Variants in SEMA3A observed in about 807,000 individuals in gnomAD.
The protein encoded by SEMA3A is semaphorin-3A.
SEMA3A carries 29 observed loss-of-function variants against 97.9 expected under a neutral mutation model. The ratio of observed to expected loss-of-function variants is 0.30; its 90% CI spans 0.22 to 0.40. The LOEUF is 0.40. Ranked by LOEUF, SEMA3A falls within the 10% of genes least tolerant of loss-of-function variation. SEMA3A has a pLI of 1.00. For missense variants in SEMA3A, 763 were observed against 951.3 expected, an observed-to-expected ratio of 0.80 and a Z score of 2.60; for synonymous variants, 321 against 323.7, an observed-to-expected ratio of 0.99 and a Z score of 0.09.
intron 1 of SEMA3A, among the ~76,000 whole-genome samples, chr7:84,471,347 A>G (rs1806141829): frequency 6.6e-6 from 1 of 152,114 alleles, no homozygotes; most frequent in Non-Finnish European, 1.5e-5. Flanking sequence ...CATCATATTT[A>G]TATTTCACTT....
chr7:83,965,851 T>C (rs1220455663), intron 15 of SEMA3A, among the ~76,000 whole-genome samples: 1 of 149,712 alleles, frequency 6.7e-6, no homozygotes, highest in African/African-American at 2.5e-5. Flanking sequence ...CAGCTAGTTT[T>C]TCGTATTTTA....
intron 5 of SEMA3A, among the ~76,000 whole-genome samples, chr7:84,046,651 T>C (rs1792365714): frequency 6.6e-6 from 1 of 151,362 alleles, no homozygotes; most frequent in Non-Finnish European, 1.5e-5. Flanking sequence ...AAATACTTAT[T>C]CACTGATTTA....
chr7:84,467,313 G>C lies in SEMA3A; in HGVS notation c.-246+25147C>G, dbSNP rs549635251. Among the ~76,000 whole-genome samples the C allele has an allele frequency of 7.9e-5, 12 of 152,102 alleles. No homozygotes were observed. In the South Asian group the frequency reaches 2.5e-3, roughly 32 times the overall value. ...TGAGGCGAGTGGATCACGAGGTCAG[G>C]AGATCGAGACCATCCTGGCTAACAC... On this transcript the variant is annotated intron_variant, in intron 1 of 3. Transcript: ENST00000424555.
chr7:84,004,323 A>G (rs889448816), intron 11 of SEMA3A, among the ~76,000 whole-genome samples: 2 of 152,108 alleles, frequency 1.3e-5, no homozygotes, highest in African/African-American at 4.8e-5. Flanking sequence ...AATATACCTG[A>G]AAAAGTCTGT....
At chr7:84,254,649 A>G (rs975193015) in intron 3 of SEMA3A, among the ~76,000 whole-genome samples, 1 of 152,146 alleles carries the variant, frequency 6.6e-6, no homozygotes, top group Non-Finnish European at 1.5e-5. Flanking sequence ...CTACAGTATA[A>G]TGATTATAAA....
chr7:84,238,416 C>T (rs962176009), intron 3 of SEMA3A, among the ~76,000 whole-genome samples: 1 of 152,056 alleles, frequency 6.6e-6, no homozygotes, highest in African/African-American at 2.4e-5. Flanking sequence ...GAATAATCTA[C>T]AGTAGGCACA....
At chr7:84,367,993 T>C (rs1257935760) in intron 2 of SEMA3A, among the ~76,000 whole-genome samples, 7 of 151,302 alleles carry the variant, frequency 4.6e-5, no homozygotes, top group South Asian at 2.1e-4. Flanking sequence ...TTACTAAATA[T>C]AGAAACATCA....
chr7:84,263,609 A>G (rs535752552), intron 3 of SEMA3A, among the ~76,000 whole-genome samples: 1 of 152,354 alleles, frequency 6.6e-6, no homozygotes, highest in South Asian at 2.1e-4. Flanking sequence ...TCAATGCCAT[A>G]TAAGCATTTG....
chr7:84,367,077 T>A (rs1802865613), intron 2 of SEMA3A, among the ~76,000 whole-genome samples: 1 of 151,292 alleles, frequency 6.6e-6, no homozygotes, highest in Non-Finnish European at 1.5e-5. Flanking sequence ...ATGACATATG[T>A]CTCTGAATCT....
At chr7:84,354,528 GA>G (rs984734221) in intron 2 of SEMA3A, among the ~76,000 whole-genome samples, 2 of 151,216 alleles carry the variant, frequency 1.3e-5, no homozygotes, top group African/African-American at 2.4e-5. Context: ...ATTTTCAAAA[GA>G]AAAAAATATG....
intron 4 of SEMA3A, among the ~76,000 whole-genome samples, chr7:84,095,351 T>TATATACACA (rs1485887699): frequency 6.1e-4 from 18 of 29,622 alleles, no homozygotes; most frequent in African/African-American, 1.5e-3. Flanking sequence ...TTTATATTTT[T>TATATACACA]TATATACATA....
At chr7:84,476,358 CAAAA>C (rs1207575758) in intron 1 of SEMA3A, among the ~76,000 whole-genome samples, 1 of 97,580 alleles carries the variant, frequency 1.0e-5, no homozygotes. Context: ...GACTCCATCT[CAAAA>C]AAAAAAAAAA....
chr7:83,961,546 T>G lies in SEMA3A; in HGVS notation c.2141A>C (p.Asn714Thr), dbSNP rs551810272. 1 of 1,614,128 alleles carries G rather than the reference T, an allele frequency of 6.2e-7. No homozygotes were observed. Among genetic ancestry groups the G allele is most frequent in the African/African-American group, 1.3e-5 (1 of 75,036 alleles). Reference protein sequence around the residue: ...RDFMQLINHPNLNTMDEFCEQ... With the variant: ...RDFMQLINHPTLNTMDEFCEQ... Reference sequence around the variant, plus strand: ...ACAGAACTCATCCATTGTGTTGAGATTGGGGTGGTTGATGAGCTGCATGAA... The same window carrying G: ...ACAGAACTCATCCATTGTGTTGAGAGTGGGGTGGTTGATGAGCTGCATGAA... Residue 714 changes from asparagine to threonine, a missense_variant, in exon 17 of 17, where the codon AAT becomes ACT. Physicochemically the swap from Asn to Thr is moderately conservative, Grantham distance 65. This residue lies in a region of SEMA3A where 678 missense variants were observed against 881.3 expected (regional missense o/e 0.77). Coordinates refer to ENST00000265362, the MANE Select transcript of SEMA3A (RefSeq NM_006080.3).
At chr7:84,465,699 A>C (rs867785504) in intron 1 of SEMA3A, among the ~76,000 whole-genome samples, 5 of 152,266 alleles carry the variant, frequency 3.3e-5, no homozygotes, top group African/African-American at 1.2e-4. Flanking sequence ...AAGTAATTCT[A>C]TATTTTTCAT....
rs80248682 is a variant in SEMA3A, at chr7:84,206,050, C to G, written c.-82-11382G>C. ...TGATTGAGTTACATTTAACAAGATG[C>G]AGGATGTGGCACTTCAGCTATCTAA... On this transcript the variant is annotated intron_variant, in intron 3 of 3. Coordinates refer to the SEMA3A transcript ENST00000424555. 0.011 allele frequency among the ~76,000 whole-genome samples: 1,729 copies of G among 152,232 alleles called. 63 individuals carry two copies. The East Asian group carries it at 0.15, about 13-fold the overall frequency.
At chr7:84,288,721 A>T (rs904216530) in intron 3 of SEMA3A, among the ~76,000 whole-genome samples, 2 of 152,024 alleles carry the variant, frequency 1.3e-5, no homozygotes, top group African/African-American at 2.4e-5. Flanking sequence ...AACAAAACAA[A>T]AACAAAAAAA....
intron 3 of SEMA3A, among the ~76,000 whole-genome samples, chr7:84,285,121 C>T (rs1392955114): frequency 6.6e-6 from 1 of 152,058 alleles, no homozygotes; most frequent in African/African-American, 2.4e-5. Context: ...TGGTCTTAAA[C>T]ATTTTTCTCC....
chr7:83,966,822 C>A (rs1788714663), intron 15 of SEMA3A, among the ~76,000 whole-genome samples: 1 of 152,048 alleles, frequency 6.6e-6, no homozygotes, highest in Admixed American at 6.5e-5. Flanking sequence ...AGCGATTCTC[C>A]TGCCTCAGAC....
chr7:84,468,385 G>A (rs1164663134), intron 1 of SEMA3A, among the ~76,000 whole-genome samples: 3 of 152,062 alleles, frequency 2.0e-5, no homozygotes, highest in East Asian at 3.9e-4. Flanking sequence ...TTTATGTAAT[G>A]GTTATAACTA....
Sources: gnomAD v4.1 joint callset for allele counts (sites outside exome capture counted in the v4.1 genomes callset) on GRCh38, gnomAD v4.1.1 for gene constraint, gnomAD v4.1.1 regional missense constraint, MANE v1.5 for transcripts, NCBI Gene and HGNC (gene_info 2026-07-23, HGNC 2026-07-21) for gene names.